FOXN3: variants seen among roughly 807,000 people sequenced by gnomAD.
FOXN3 encodes the protein forkhead box N3.
A neutral mutation model predicts 38.4 loss-of-function variants in FOXN3; 7 were observed. That is an observed-to-expected ratio of 0.18 (90% CI 0.10 to 0.34). FOXN3 has a LOEUF of 0.34. FOXN3 is among the 10% of genes least tolerant of loss of function. The pLI is 1.00. For synonymous variants in FOXN3, 230 were observed against 242.2 expected (o/e 0.95, Z 0.47); for missense variants, 456 against 613.4 (o/e 0.74, Z 2.71).
intron 4 of FOXN3, among the ~76,000 whole-genome samples, chr14:89,196,596 TACCAAA>T (rs746413013): frequency 2.0e-5 from 3 of 152,162 alleles, no homozygotes; most frequent in Non-Finnish European, 2.9e-5. Context: ...AAGGAACACC[TACCAAA>T]TGGGGCATCT....
chr14:89,555,875 GTATGT>G (rs1895109031), intron 1 of FOXN3, among the ~76,000 whole-genome samples: 10 of 127,924 alleles, frequency 7.8e-5, no homozygotes, highest in Non-Finnish European at 1.0e-4. Context: ...GTGTGTGTGT[GTATGT>G]GGGGGTGTAT....
chr14:89,416,596 G>A (rs1160393535), intron 1 of FOXN3, among the ~76,000 whole-genome samples: 1 of 152,074 alleles, frequency 6.6e-6, no homozygotes, highest in African/African-American at 2.4e-5. Flanking sequence ...CCCGTCCTCC[G>A]CAGACAATAC....
chr14:89,204,485 T>C (rs899021442), intron 4 of FOXN3, among the ~76,000 whole-genome samples: 4 of 152,264 alleles, frequency 2.6e-5, no homozygotes, highest in South Asian at 4.1e-4. Flanking sequence ...AGGAAAAAAA[T>C]AGAAAAGCCA....
At chr14:89,255,494 A>G (rs1286744859) in intron 4 of FOXN3, among the ~76,000 whole-genome samples, 1 of 152,128 alleles carries the variant, frequency 6.6e-6, no homozygotes, top group African/African-American at 2.4e-5. Flanking sequence ...TTAAGAACAA[A>G]AAGTCCTATG....
chr14:89,336,341 C>G (rs929874644), intron 3 of FOXN3, among the ~76,000 whole-genome samples: 1 of 152,160 alleles, frequency 6.6e-6, no homozygotes, highest in Admixed American at 6.5e-5. Context: ...TGTTTCCTCA[C>G]CATTGCCAGT....
At chr14:89,366,096 C>CA (rs1351390381) in intron 2 of FOXN3, among the ~76,000 whole-genome samples, 1 of 151,746 alleles carries the variant, frequency 6.6e-6, no homozygotes, top group Non-Finnish European at 1.5e-5. Flanking sequence ...CTGAAAAATA[C>CA]AAAAAAATTA....
intron 2 of FOXN3, among the ~76,000 whole-genome samples, chr14:89,403,189 ATTTT>A (rs769117558): frequency 6.9e-6 from 1 of 144,418 alleles, no homozygotes; most frequent in East Asian, 2.0e-4. Context: ...ATCAAATCAC[ATTTT>A]TTTTTTTTAA....
Position 89,447,805 on chromosome 14 carries a change from C to T in FOXN3, c.-14-35315G>A, listed in dbSNP as rs997547851. Among the ~76,000 whole-genome samples, 4 of 128,892 alleles carry T rather than the reference C, an allele frequency of 3.1e-5. No homozygotes were observed. In the South Asian group the frequency reaches 1.0e-3, roughly 33 times the overall value. 84.6% of individuals were successfully genotyped at this position (128,892 alleles called of 152,430 possible). On this transcript the variant is annotated intron_variant, in intron 1 of 6. Transcript: ENST00000345097. Reference sequence around the variant, plus strand: ...CATCATCCGCAGTGGTTTCCTGATGCCTTTCTTCCTTTTTTTTTTTTTTTT... The same window carrying T: ...CATCATCCGCAGTGGTTTCCTGATGTCTTTCTTCCTTTTTTTTTTTTTTTT...
At chr14:89,542,121 A>G (rs1356139230) in intron 1 of FOXN3, among the ~76,000 whole-genome samples, 2 of 152,208 alleles carry the variant, frequency 1.3e-5, no homozygotes, top group Admixed American at 1.3e-4. Context: ...TGAAAGTAAG[A>G]GGAGGAACGC....
At chr14:89,366,450 G>C (rs1291186170) in intron 2 of FOXN3, among the ~76,000 whole-genome samples, 2 of 152,030 alleles carry the variant, frequency 1.3e-5, no homozygotes, top group African/African-American at 4.8e-5. Flanking sequence ...AAATTACAAA[G>C]AGGATAAATG....
At chr14:89,333,988 A>ATATATATATC (rs1888351957) in intron 3 of FOXN3, among the ~76,000 whole-genome samples, 27 of 83,760 alleles carry the variant, frequency 3.2e-4, no homozygotes, top group African/African-American at 9.4e-4. Flanking sequence ...ATATATATAT[A>ATATATATATC]TATATATATA....
At chr14:89,452,858 A>C (rs1048318423) in intron 1 of FOXN3, among the ~76,000 whole-genome samples, 3 of 152,180 alleles carry the variant, frequency 2.0e-5, no homozygotes, top group Non-Finnish European at 2.9e-5. Flanking sequence ...AACCACCACA[A>C]CTTAAACTCC....
At chr14:89,240,259 A>G (rs1885101151) in intron 4 of FOXN3, among the ~76,000 whole-genome samples, 1 of 149,648 alleles carries the variant, frequency 6.7e-6, no homozygotes. Flanking sequence ...ATGATGTAAC[A>G]AGAAAAAGCA....
rs563899756 is a variant in FOXN3, at chr14:89,211,071, T to C, written c.746-30265A>G. Among the ~76,000 whole-genome samples the C allele has an allele frequency of 1.7e-4, 26 of 152,344 alleles. No individual in the cohort carries two copies. The South Asian group carries it at 5.4e-3, about 32-fold the overall frequency. On this transcript the variant is annotated intron_variant, in intron 4 of 5. Coordinates refer to ENST00000557258, the MANE Select transcript of FOXN3 (RefSeq NM_005197.4). ...GTATTGATTCCATTTCACATAAAGA[T>C]GTTAATTCATCCAATTCTTTAAAAA...
intron 3 of FOXN3, among the ~76,000 whole-genome samples, chr14:89,301,981 T>C (rs753012063): frequency 2.6e-5 from 4 of 152,142 alleles, no homozygotes; most frequent in Admixed American, 6.5e-5. Flanking sequence ...TTTTCCTTGC[T>C]TGTGACTCTC....
chr14:89,549,730 GC>G (rs1207375181), intron 1 of FOXN3, among the ~76,000 whole-genome samples: 1 of 152,178 alleles, frequency 6.6e-6, no homozygotes, highest in Non-Finnish European at 1.5e-5. Context: ...TCAAGGCATG[GC>G]CAAGTCGCAC....
chr14:89,280,818 A>G (rs11845021), intron 4 of FOXN3, 132 bp downstream of exon 4: 97,938 of 677,932 alleles, frequency 0.14, 8,012 homozygotes, highest in African/African-American at 0.21. Context: ...CACCCACAAC[A>G]GTCACACTTC....
intron 2 of FOXN3, among the ~76,000 whole-genome samples, chr14:89,385,499 T>TAAAAAAAA (rs10681650): frequency 0.12 from 13,344 of 107,376 alleles, 750 homozygotes; most frequent in South Asian, 0.18. Flanking sequence ...GGCAAACATT[T>TAAAAAAAA]AAAAAAAAAA....
At chr14:89,427,472 A>ATTT (rs1195606471) in intron 1 of FOXN3, among the ~76,000 whole-genome samples, 2 of 124,872 alleles carry the variant, frequency 1.6e-5, no homozygotes, top group Non-Finnish European at 3.4e-5. Context: ...CGCCCGGCTG[A>ATTT]TTTTTTTTTT....
Sources: allele counts gnomAD v4.1 joint callset (sites outside exome capture counted in the v4.1 genomes callset), GRCh38; gene constraint gnomAD v4.1.1; transcripts MANE v1.5; gene names NCBI Gene and HGNC (gene_info 2026-07-23, HGNC 2026-07-21).